Variants in MXI1 observed in about 807,000 individuals in gnomAD.
MXI1 encodes MAX interactor 1, dimerization protein.
A neutral mutation model predicts 36.9 loss-of-function variants in MXI1; 18 were observed. The ratio of observed to expected loss-of-function variants is 0.49; its 90% CI spans 0.34 to 0.72. The LOEUF is 0.72. Among genes scored for constraint, MXI1 ranks in the 30% least tolerant of loss-of-function variants. MXI1 has a pLI of 0.01. For synonymous variants in MXI1, 160 were observed against 146.7 expected (o/e 1.09, Z -0.65); for missense variants, 304 against 379.1 (o/e 0.80, Z 1.64).
chr10:110,210,174 C>G (rs986711744), intron 1 of MXI1: 3 of 866,560 alleles, frequency 3.5e-6, no homozygotes, highest in South Asian at 5.2e-5. Flanking sequence ...GGGGCGGGCC[C>G]GTGGCGGCGT....
At chr10:110,219,065 C>T (rs778217617) in intron 1 of MXI1, among the ~76,000 whole-genome samples, 3 of 152,094 alleles carry the variant, frequency 2.0e-5, no homozygotes, top group Non-Finnish European at 4.4e-5. Context: ...TTTGGGAGGC[C>T]GAAGTGGGTG....
intron 1 of MXI1, among the ~76,000 whole-genome samples, chr10:110,219,943 A>G (rs1317762220): frequency 1.3e-5 from 2 of 152,190 alleles, no homozygotes; most frequent in African/African-American, 4.8e-5. Flanking sequence ...AGGATTTAAC[A>G]TCCTTGGTTC....
At chr10:110,222,722 C>T (rs1004250255) in intron 1 of MXI1, among the ~76,000 whole-genome samples, 4 of 152,174 alleles carry the variant, frequency 2.6e-5, no homozygotes, top group Non-Finnish European at 5.9e-5. Context: ...TCCTGTTTCC[C>T]CATCTGCATT....
chr10:110,222,789 C>T (rs1433051262), intron 1 of MXI1, among the ~76,000 whole-genome samples: 1 of 152,144 alleles, frequency 6.6e-6, no homozygotes, highest in Non-Finnish European at 1.5e-5. Flanking sequence ...CTCTGGGTTC[C>T]TCCGGGCTGA....
chr10:110,249,205 C>G (rs1190068521), intron 3 of MXI1, among the ~76,000 whole-genome samples: 3 of 152,114 alleles, frequency 2.0e-5, no homozygotes, highest in Admixed American at 6.6e-5. Flanking sequence ...TAGTAACTCA[C>G]TATGAAAAGA....
At chr10:110,253,496 AGG>A (rs1856174253) in intron 3 of MXI1, among the ~76,000 whole-genome samples, 1 of 152,126 alleles carries the variant, frequency 6.6e-6, no homozygotes, top group African/African-American at 2.4e-5. Flanking sequence ...TTGTTTAAAA[AGG>A]GCATAGTTTT....
chr10:110,261,660 T>C (rs1185191377), intron 3 of MXI1, among the ~76,000 whole-genome samples: 1 of 152,100 alleles, frequency 6.6e-6, no homozygotes, highest in Admixed American at 6.6e-5. Context: ...CTAGGACCCA[T>C]ATCTCCCATC....
At chr10:110,242,137 A>G (rs755597940) in intron 2 of MXI1, among the ~76,000 whole-genome samples, 3 of 151,950 alleles carry the variant, frequency 2.0e-5, no homozygotes, top group Non-Finnish European at 4.4e-5. Context: ...TTCAGACTCT[A>G]CTAGTAGCAA....
chr10:110,282,502 C>A (rs747895787), intron 5 of MXI1, among the ~76,000 whole-genome samples: 1 of 152,192 alleles, frequency 6.6e-6, no homozygotes, highest in African/African-American at 2.4e-5. Context: ...TAACCCTGAC[C>A]TTGGTGTCCC....
At chr10:110,227,517 C>T in intron 1 of MXI1, 2 of 983,114 alleles carry the variant, frequency 2.0e-6, no homozygotes, top group South Asian at 4.7e-5. Context: ...CGTGGAGAAG[C>T]TTGGAGGGCC....
intron 3 of MXI1, among the ~76,000 whole-genome samples, chr10:110,260,155 T>C (rs944537417): frequency 2.0e-5 from 3 of 152,018 alleles, no homozygotes; most frequent in African/African-American, 7.2e-5. Flanking sequence ...TGCATTGACA[T>C]GAGTATCGTA....
chr10:110,234,500 CCTAA>C (rs1476672170), intron 2 of MXI1, among the ~76,000 whole-genome samples: 4 of 151,980 alleles, frequency 2.6e-5, no homozygotes, highest in Non-Finnish European at 5.9e-5. Flanking sequence ...TGAAGTTGCT[CCTAA>C]CTTTTATATT....
At chr10:110,269,885 C>A (rs1478094002) in intron 3 of MXI1, among the ~76,000 whole-genome samples, 1 of 152,168 alleles carries the variant, frequency 6.6e-6, no homozygotes. Flanking sequence ...CCCTTGGTAC[C>A]ATTAAATCAG....
chr10:110,249,863 A>G (rs1396267429), intron 3 of MXI1, among the ~76,000 whole-genome samples: 2 of 152,260 alleles, frequency 1.3e-5, no homozygotes, highest in South Asian at 4.1e-4. Flanking sequence ...ATGCAGTGAG[A>G]TTTGGAGTAG....
intron 3 of MXI1, among the ~76,000 whole-genome samples, chr10:110,246,769 G>A (rs912918208): frequency 3.9e-5 from 6 of 152,128 alleles, no homozygotes; most frequent in Non-Finnish European, 7.4e-5. Context: ...CATTTTGGTA[G>A]TTAGTGGTAG....
chr10:110,284,992 C>G lies in MXI1; in HGVS notation c.*5C>G. On this transcript the variant is annotated 3_prime_UTR_variant, in exon 6 of 6. Transcript: ENST00000332674. Reference sequence around the variant, plus strand: ...AAACTTTCATTCACTTCATAGAACCCAGCATGACATAACAGTGCAGGGCAA... The same window carrying G: ...AAACTTTCATTCACTTCATAGAACCGAGCATGACATAACAGTGCAGGGCAA... 6.2e-7 allele frequency: 1 copy of G among 1,609,354 alleles called. No homozygotes were observed. Among genetic ancestry groups the G allele is most frequent in the Non-Finnish European group, 8.5e-7 (1 of 1,178,178 alleles).
intron 2 of MXI1, among the ~76,000 whole-genome samples, chr10:110,235,479 A>G (rs1203330293): frequency 6.6e-6 from 1 of 152,188 alleles, no homozygotes; most frequent in East Asian, 1.9e-4. Flanking sequence ...TGAGGTCAGG[A>G]GATCGAGACC....
At chr10:110,216,665 G>GTTTTTTTTTTGTTTT (rs1854645560) in intron 1 of MXI1, among the ~76,000 whole-genome samples, 6 of 79,058 alleles carry the variant, frequency 7.6e-5, no homozygotes, top group Admixed American at 3.6e-4. Flanking sequence ...TGTGTTTAAT[G>GTTTTTTTTTTGTTTT]TTTTTTTTTT....
Position 110,284,949 on chromosome 10 carries a change from TACTCCAGTGCCAGTGTC to T in MXI1, c.852_868del (p.Tyr284Ter). On this transcript the variant is annotated frameshift_variant, in exon 6 of 6. Coordinates refer to ENST00000332674, the MANE Select transcript of MXI1 (RefSeq NM_130439.3). LOFTEE classifies it high-confidence loss of function. ...GCCGAGTATTGGGAGTGACGAGGGT[TACTCCAGTGCCAGTGTC>T]AAACTTTCATTCACTTCATAGAACC... 1 of 1,613,848 alleles carries T rather than the reference TACTCCAGTGCCAGTGTC, an allele frequency of 6.2e-7. No homozygotes were observed. Among genetic ancestry groups the T allele is most frequent in the Non-Finnish European group, 8.5e-7 (1 of 1,179,920 alleles).
Sources: gnomAD v4.1 joint callset for allele counts (sites outside exome capture counted in the v4.1 genomes callset) on GRCh38, gnomAD v4.1.1 for gene constraint, MANE v1.5 for transcripts, NCBI Gene and HGNC (gene_info 2026-07-23, HGNC 2026-07-21) for gene names.